HSPA12A: variants seen among roughly 807,000 people sequenced by gnomAD.
HSPA12A encodes heat shock 70 kDa protein 12A.
Under a neutral mutation model 69.2 loss-of-function variants are expected in HSPA12A, and 28 were observed. That is an observed-to-expected ratio of 0.40 (90% confidence interval 0.30 to 0.55). The LOEUF (loss-of-function observed/expected upper bound fraction) is 0.55. Among genes scored for constraint, HSPA12A ranks in the 20% least tolerant of loss-of-function variants. The pLI is 0.38. For synonymous variants in HSPA12A, 345 were observed against 370.5 expected, an observed-to-expected ratio of 0.93 and a Z score of 0.79; for missense variants, 686 against 900.7, an observed-to-expected ratio of 0.76 and a Z score of 3.05.
At chr10:116,747,086 C>G (rs552095641), upstream of HSPA12A, among the ~76,000 whole-genome samples, 13 of 152,360 alleles carry the variant, frequency 8.5e-5, no homozygotes, top group African/African-American at 3.1e-4. Flanking sequence ...AAAAGCCAGC[C>G]TTACAGCTGA....
intron 4 of HSPA12A, among the ~76,000 whole-genome samples, 154 bp downstream of exon 4, chr10:116,700,789 G>A (rs1850056454): frequency 6.6e-6 from 1 of 152,176 alleles, no homozygotes; most frequent in South Asian, 2.1e-4. Flanking sequence ...GCTCCAGGTT[G>A]TGTCTAAAAT....
upstream of HSPA12A, chr10:116,849,825 A>C (rs903006457): frequency 1.5e-5 from 20 of 1,366,782 alleles, no homozygotes; most frequent in African/African-American, 2.2e-4. Flanking sequence ...GCGCCTCAGA[A>C]TCTCGCATGC....
chr10:116,688,403 C>T (rs1554879750), intron 6 of HSPA12A, among the ~76,000 whole-genome samples: 1 of 152,242 alleles, frequency 6.6e-6, no homozygotes, highest in Non-Finnish European at 1.5e-5. Flanking sequence ...ATCGTAGTAG[C>T]TTTTTAGAGC....
At chr10:116,789,810 C>T (rs1844662687) in intron 2 of HSPA12A, among the ~76,000 whole-genome samples, 1 of 152,174 alleles carries the variant, frequency 6.6e-6, no homozygotes, top group South Asian at 2.1e-4. Flanking sequence ...AGGGCATTAT[C>T]TCTGGCCATG....
chr10:116,801,247 C>T (rs1589714900), intron 2 of HSPA12A, among the ~76,000 whole-genome samples: 1 of 152,202 alleles, frequency 6.6e-6, no homozygotes, highest in East Asian at 1.9e-4. Context: ...CAGGCACTCA[C>T]ATTAATTTTC....
chr10:116,720,839 T>C (rs1236413041), intron 1 of HSPA12A, among the ~76,000 whole-genome samples: 1 of 151,988 alleles, frequency 6.6e-6, no homozygotes, highest in Non-Finnish European at 1.5e-5. Flanking sequence ...AGAAGGCCAA[T>C]GCTAAAAGGG....
chr10:116,808,334 A>G (rs1845108533), intron 2 of HSPA12A, among the ~76,000 whole-genome samples: 1 of 151,954 alleles, frequency 6.6e-6, no homozygotes. Context: ...CAGCCAGGAA[A>G]CTTCAGAGGA....
chr10:116,808,817 C>T (rs1845118417), intron 2 of HSPA12A, among the ~76,000 whole-genome samples: 1 of 152,156 alleles, frequency 6.6e-6, no homozygotes, highest in African/African-American at 2.4e-5. Context: ...CATTCCTGTA[C>T]AGGGTGTATT....
chr10:116,728,144 T>A (rs1554885289), intron 1 of HSPA12A, among the ~76,000 whole-genome samples: 1 of 152,068 alleles, frequency 6.6e-6, no homozygotes, highest in Non-Finnish European at 1.5e-5. Flanking sequence ...GACTTCACCA[T>A]GTTGGCCAGG....
At chr10:116,829,136 T>C (rs991232056) in intron 2 of HSPA12A, 3 of 152,116 alleles carry the variant, frequency 2.0e-5, no homozygotes, top group Admixed American at 6.5e-5. Context: ...GTGGAGATAA[T>C]TGAATCATGG....
intron 2 of HSPA12A, among the ~76,000 whole-genome samples, chr10:116,771,490 A>T (rs874883): frequency 0.25 from 38,735 of 152,250 alleles, 5,152 homozygotes; most frequent in African/African-American, 0.32. Flanking sequence ...AAGCCACTGG[A>T]ATATTTTAAG....
At chr10:116,825,803 T>C (rs1845491334) in intron 2 of HSPA12A, among the ~76,000 whole-genome samples, 1 of 152,172 alleles carries the variant, frequency 6.6e-6, no homozygotes, top group South Asian at 2.1e-4. Context: ...CACAATTCTG[T>C]GATATATTAA....
At chr10:116,699,369 G>C (rs1219202010) in intron 4 of HSPA12A, among the ~76,000 whole-genome samples, 1 of 152,178 alleles carries the variant, frequency 6.6e-6, no homozygotes, top group Non-Finnish European at 1.5e-5. Context: ...CTAGATGCTG[G>C]TGGACGGAGA....
At position 116,675,008 on chromosome 10, in the gene HSPA12A, T is replaced by C. The variant is rs1554877369; in HGVS notation, c.1801A>G (p.Asn601Asp). 6 of 1,614,086 alleles carry C rather than the reference T, an allele frequency of 3.7e-6. No individual in the cohort carries two copies. The highest frequency in any genetic ancestry group is 5.1e-6 in the Non-Finnish European group (6 of 1,180,010). The change falls in exon 12 of 12, where the codon AAC (asparagine) becomes GAC (aspartate). Residue 601 changes from asparagine to aspartate, a missense_variant. Transcript: ENST00000369209. This position sits in a 1 kb window ranked among gnomAD's most constrained non-coding sequence, Gnocchi z 5.2. Reference protein sequence around the residue: ...AKPSQLVIVINIYSSEHDNVS... With the variant: ...AKPSQLVIVIDIYSSEHDNVS... ...TTGTCGTGCTCAGAGCTGTAGATGT[T>C]GATGACAATGACCAGCTGGGAGGGC...
intron 2 of HSPA12A, chr10:116,831,818 T>C (rs1394959319): frequency 6.6e-6 from 1 of 152,204 alleles, no homozygotes; most frequent in Admixed American, 6.5e-5. Context: ...CCAGAATGAT[T>C]TTAAAATACT....
chr10:116,829,984 G>T (rs1400955525), intron 2 of HSPA12A: 1 of 152,182 alleles, frequency 6.6e-6, no homozygotes, highest in Non-Finnish European at 1.5e-5. Context: ...GGCACTGGTG[G>T]GCACTCCTGG....
At chr10:116,678,902 T>C (rs1554878194) in intron 10 of HSPA12A, among the ~76,000 whole-genome samples, 1 of 152,174 alleles carries the variant, frequency 6.6e-6, no homozygotes, top group African/African-American at 2.4e-5. Flanking sequence ...GATAGATAGG[T>C]AAATCTGTCT....
chr10:116,770,332 G>A (rs1209355297), intron 2 of HSPA12A, among the ~76,000 whole-genome samples: 1 of 152,190 alleles, frequency 6.6e-6, no homozygotes, highest in African/African-American at 2.4e-5. Context: ...CTGCAGACCC[G>A]CCAGTACAGA....
intron 4 of HSPA12A, among the ~76,000 whole-genome samples, chr10:116,699,057 C>G (rs1404027727): frequency 6.6e-6 from 1 of 152,282 alleles, no homozygotes; most frequent in East Asian, 1.9e-4. Context: ...AGAGAATAGG[C>G]AGCAGGTGCC....
Sources: gnomAD v4.1 joint callset for allele counts (sites outside exome capture counted in the v4.1 genomes callset) on GRCh38, gnomAD v4.1.1 for gene constraint, Gnocchi (gnomAD v3.1) non-coding constraint, MANE v1.5 for transcripts, NCBI Gene and HGNC (gene_info 2026-07-23, HGNC 2026-07-21) for gene names.